Variants in PFAS observed in about 807,000 individuals in gnomAD.
PFAS encodes FGAM synthase.
PFAS carries 97 observed loss-of-function variants against 140.6 expected under a neutral mutation model. That is an observed-to-expected ratio of 0.69 (90% CI 0.59 to 0.82). The LOEUF is 0.82. Among genes scored for constraint, PFAS ranks in the 40% least tolerant of loss-of-function variants. The probability of loss-of-function intolerance (pLI) is 0.00; values close to 1 mark genes in which losing one functional copy is unlikely to be tolerated. For synonymous variants in PFAS, 679 were observed against 718.8 expected, an observed-to-expected ratio of 0.94 and a Z score of 0.88; for missense variants, 1,656 against 1,780.2, an observed-to-expected ratio of 0.93 and a Z score of 1.26.
At chr17:8,256,803 C>T in intron 8 of PFAS, 32 bp from the exon 9 acceptor site, 1 of 1,566,252 alleles carries the variant, frequency 6.4e-7, no homozygotes, top group South Asian at 1.2e-5. Context: ...GTCTCTGAGG[C>T]ACCCAGACCT....
upstream of PFAS, chr17:8,247,735 C>T: frequency 2.1e-6 from 1 of 479,354 alleles, no homozygotes; most frequent in South Asian, 2.5e-5. Context: ...CATAGTTCCC[C>T]CATTAACCTG....
chr17:8,262,923 T>A lies in PFAS; in HGVS notation c.1340T>A (p.Met447Lys). The change falls in exon 12 of 28, where the codon ATG becomes AAG. Residue 447 changes from methionine (M) to lysine (K), a missense_variant. Physicochemically the swap from Met to Lys is moderately conservative, Grantham distance 95 (BLOSUM62 -1). This residue lies in a region of PFAS where 773 missense variants were observed against 757.3 expected (regional missense o/e 1.02). Coordinates refer to ENST00000314666, the MANE Select transcript of PFAS (RefSeq NM_012393.3). The stretch of plus-strand genomic sequence containing the variant: ...ATTCTGCCTTCCCTTCTTACAGGCA[T>A]GGAAGTTGTAAAGGTTGGAGGTCCC... ...HISKEAPEPG[M>K]EVVKVGGPVY... 1 of 1,613,324 alleles carries A rather than the reference T, an allele frequency of 6.2e-7. No individual in the cohort carries two copies. The highest frequency in any genetic ancestry group is 8.5e-7 in the Non-Finnish European group (1 of 1,179,278).
rs1271965018 is a variant in PFAS at position 8,264,201 on chromosome 17, G to A, written c.1792-11G>A. ...CTCATCCCCTCTGGGTGGGGTCCCTGTGGTCTATAGATAGTGCTGGTGGAC... is the reference window on the plus strand; with the variant it reads ...CTCATCCCCTCTGGGTGGGGTCCCTATGGTCTATAGATAGTGCTGGTGGAC... On this transcript the variant is annotated splice_polypyrimidine_tract_variant and intron_variant, in intron 15 of 27. Coordinates refer to ENST00000314666, the MANE Select transcript of PFAS (RefSeq NM_012393.3). 4 of 1,613,736 alleles carry A rather than the reference G, an allele frequency of 2.5e-6. No homozygotes were observed. Among genetic ancestry groups the A allele is most frequent in the East Asian group, 4.5e-5 (2 of 44,882 alleles).
rs749712605 is a variant in PFAS, at chr17:8,265,126, G to A, written c.2280+1G>A. ...GTTTGCTCTGGTCACTGACCTCCGGGTGAGTTCTCCCACAGCTTCTATCCT... is the reference window on the plus strand; with the variant it reads ...GTTTGCTCTGGTCACTGACCTCCGGATGAGTTCTCCCACAGCTTCTATCCT... On this transcript the variant is annotated splice_donor_variant, in intron 18 of 27. Coordinates refer to ENST00000314666, the MANE Select transcript of PFAS (RefSeq NM_012393.3). LOFTEE classifies it high-confidence loss of function. 3.1e-6 allele frequency: 5 copies of A among 1,609,562 alleles called. No individual in the cohort carries two copies. The South Asian group carries it at 3.3e-5, about 11-fold the overall frequency.
rs201071550 is a variant in PFAS, at chr17:8,267,609, G to A, written c.3326G>A (p.Arg1109His). ...GGGGCAATTGGGCTGGACACTTTCC[G>A]TGGCGTGGCCTTCGTGGGCGGCTTC... The part of the protein sequence containing the change: ...CSGAIGLDTF[R>H]GVAFVGGFSY... Residue 1109 changes from arginine (R) to histidine (H), a missense_variant, in exon 26 of 28, where the codon CGT (arginine) becomes CAT (histidine). Arg to His is a conservative substitution (Grantham distance 29). This residue lies in a region of PFAS where 883 missense variants were observed against 1,023.0 expected (regional missense o/e 0.86). Coordinates refer to ENST00000314666, the MANE Select transcript of PFAS (RefSeq NM_012393.3). This position sits in a 1 kb window ranked among gnomAD's most constrained non-coding sequence, Gnocchi z 4.9. 5.1e-5 allele frequency: 82 copies of A among 1,613,526 alleles called. No homozygotes were observed. Among genetic ancestry groups the A allele is most frequent in the African/African-American group, 2.4e-4 (18 of 75,036 alleles).
At chr17:8,247,878 AC>A (rs2151563529), upstream of PFAS, 2 of 915,504 alleles carry the variant, frequency 2.2e-6, no homozygotes, top group East Asian at 5.3e-5. Context: ...CCGACTCACA[AC>A]CCCCTCACCC....
chr17:8,269,994 C>T lies in PFAS; in HGVS notation c.*730C>T, dbSNP rs1198342555. 6.6e-6 allele frequency: 1 copy of T among 152,070 alleles called. No homozygotes were observed. Among genetic ancestry groups the T allele is most frequent in the Non-Finnish European group, 1.5e-5 (1 of 68,170 alleles). 9.4% of individuals were successfully genotyped at this position (152,070 alleles called of 1,614,324 possible). A position where few individuals can be genotyped will look rare whatever the true frequency, so the allele number is the denominator to read the frequency against. ...CTGGGTTCAAGCAATTTTCCTGCCTCAGCCTCCCGAGTAGCTGGGAGTACA... is the reference window on the plus strand; with the variant it reads ...CTGGGTTCAAGCAATTTTCCTGCCTTAGCCTCCCGAGTAGCTGGGAGTACA... On this transcript the variant is annotated 3_prime_UTR_variant, in exon 28 of 28. Transcript: ENST00000314666.
chr17:8,256,843 C>T lies in PFAS; in HGVS notation c.955C>T (p.Pro319Ser). Reference protein sequence around the residue: ...ETHNFPTGVCPFSGATTGTGG... With the variant: ...ETHNFPTGVCSFSGATTGTGG... ...CCACTCTCTCTTTGCAGGAGTATGCCCCTTTAGTGGTGCAACCACTGGCAC... is the reference window on the plus strand; with the variant it reads ...CCACTCTCTCTTTGCAGGAGTATGCTCCTTTAGTGGTGCAACCACTGGCAC... Residue 319 changes from proline to serine, a missense_variant, in exon 9 of 28, where the codon CCC becomes TCC. By Grantham distance (74) the Pro-to-Ser change is moderately conservative. Around this residue, in one of 2 missense-constraint regions of PFAS, gnomAD observed 773 missense variants for 757.3 expected, o/e 1.02. Transcript: ENST00000314666. The T allele has an allele frequency of 6.2e-7, 1 of 1,604,414 alleles. No homozygotes were observed. Among genetic ancestry groups the T allele is most frequent in the South Asian group, 1.1e-5 (1 of 89,086 alleles).
chr17:8,249,626 G>T (rs921014453), intron 1 of PFAS: 1 of 152,200 alleles, frequency 6.6e-6, no homozygotes, highest in Non-Finnish European at 1.5e-5. Context: ...GCACCATGCT[G>T]GTCATGGAAT....
chr17:8,267,481 C>T lies in PFAS; in HGVS notation c.3267+18C>T. The stretch of plus-strand genomic sequence containing the variant: ...GGTTTGAGGTGAGCAGGGTAGGGGG[C>T]AGCTGGGGGTGATTGTCCAGCCTCA... On this transcript the variant is annotated intron_variant, in intron 25 of 27. Transcript: ENST00000314666. The surrounding 1 kb of genome is among the most constrained non-coding windows in gnomAD (Gnocchi z 4.9). 1.2e-6 allele frequency: 2 copies of T among 1,608,458 alleles called. No homozygotes were observed. Among genetic ancestry groups the T allele is most frequent in the African/African-American group, 1.3e-5 (1 of 74,950 alleles).
chr17:8,265,305 G>T lies in PFAS; in HGVS notation c.2298G>T (p.Gly766=). ...VTDLRDVKCS[G]NWMWAAKLPG... ...ACCCCCAGGATGTGAAGTGTAGCGG[G>T]AACTGGATGTGGGCAGCCAAGCTCC... is the stretch of plus-strand genomic sequence containing the variant. Residue 766 remains glycine (G), a synonymous_variant, in exon 19 of 28, where the codon GGG becomes GGT. Transcript: ENST00000314666. 6.2e-7 allele frequency: 1 copy of T among 1,613,970 alleles called. No homozygotes were observed. Among genetic ancestry groups the T allele is most frequent in the Non-Finnish European group, 8.5e-7 (1 of 1,179,936 alleles).
At position 8,263,843 on chromosome 17, in the gene PFAS, G is replaced by T. The variant is rs1327449221; in HGVS notation, c.1698G>T (p.Leu566=). 6.2e-7 allele frequency: 1 copy of T among 1,614,148 alleles called. No homozygotes were observed. Among genetic ancestry groups the T allele is most frequent in the Middle Eastern group, 1.6e-4 (1 of 6,062 alleles). ...GAEYQESNAL[L]LRSPNRDFLT... is the part of the protein sequence containing the mutation. ...AGTACCAGGAATCAAATGCTCTTCT[G>T]CTGAGGTCCCCCAACCGGGACTTCC... The change falls in exon 15 of 28, where the codon CTG becomes CTT. Residue 566 remains leucine (L), a synonymous_variant. Coordinates refer to ENST00000314666, the MANE Select transcript of PFAS (RefSeq NM_012393.3).
At chr17:8,259,649 A>G (rs939153755) in intron 11 of PFAS, among the ~76,000 whole-genome samples, 17 of 152,040 alleles carry the variant, frequency 1.1e-4, no homozygotes, top group Non-Finnish European at 1.9e-4. Context: ...TTAGCTGGAT[A>G]TGGTGGTGTA....
chr17:8,257,278 T>C (rs543491786), intron 9 of PFAS, among the ~76,000 whole-genome samples: 8 of 152,316 alleles, frequency 5.3e-5, no homozygotes, highest in South Asian at 2.1e-4. Context: ...GAAACTTGGC[T>C]GGGCGTGGTG....
chr17:8,263,623 C>G lies in PFAS; in HGVS notation c.1616C>G (p.Thr539Ser). Residue 539 changes from threonine (T) to serine (S), a missense_variant, in exon 14 of 28, where the codon ACC becomes AGC. By Grantham distance (58) the Thr-to-Ser change is moderately conservative. Coordinates refer to ENST00000314666, the MANE Select transcript of PFAS (RefSeq NM_012393.3). Reference sequence around the variant, plus strand: ...GACCCAGCTGGAGCCATCATTTACACCAGCCGCTTCCAGGTGGGTCTCGTC... The same window carrying G: ...GACCCAGCTGGAGCCATCATTTACAGCAGCCGCTTCCAGGTGGGTCTCGTC... The part of the protein sequence containing the change: ...LSDPAGAIIY[T>S]SRFQLGDPTL... 6.2e-7 allele frequency: 1 copy of G among 1,613,970 alleles called. No individual in the cohort carries two copies. The highest frequency in any genetic ancestry group is 8.5e-7 in the Non-Finnish European group (1 of 1,179,840).
At chr17:8,248,059 G>A (rs762810087), upstream of PFAS, 2 of 1,579,144 alleles carry the variant, frequency 1.3e-6, no homozygotes, top group Non-Finnish European at 1.7e-6. Context: ...CTCCGCCCCC[G>A]GGAGGGGCAG....
chr17:8,264,418 G>A, intron 16 of PFAS, 52 bp from the exon 17 acceptor site: 1 of 1,612,118 alleles, frequency 6.2e-7, no homozygotes, highest in East Asian at 2.2e-5. Context: ...TGTCGCCTGT[G>A]TGCCCAGCCC....
At chr17:8,256,035 C>T (rs1023615760) in intron 6 of PFAS, 125 bp downstream of exon 6, 41 of 829,628 alleles carry the variant, frequency 4.9e-5, no homozygotes, top group Non-Finnish European at 7.3e-5. Flanking sequence ...CCTGGGCTCC[C>T]GTCATCCATC....
intron 16 of PFAS, 38 bp downstream of exon 16, chr17:8,264,375 C>T: frequency 6.2e-7 from 1 of 1,612,504 alleles, no homozygotes; most frequent in Non-Finnish European, 8.5e-7. Flanking sequence ...TCCTGTGGTC[C>T]TCTCCACACC....
Sources: gnomAD v4.1 joint callset for allele counts (sites outside exome capture counted in the v4.1 genomes callset) on GRCh38, gnomAD v4.1.1 for gene constraint, gnomAD v4.1.1 regional missense constraint, Gnocchi (gnomAD v3.1) non-coding constraint, MANE v1.5 for transcripts, NCBI Gene and HGNC (gene_info 2026-07-23, HGNC 2026-07-21) for gene names.